The following ZNF226 variants were observed in gnomAD, a reference collection of about 807,000 sequenced individuals.
ZNF226 encodes Kruppel-associated box protein.
Under a neutral mutation model 11.4 loss-of-function variants are expected in ZNF226, and 6 were observed. The ratio of observed to expected loss-of-function variants is 0.53; its 90% CI spans 0.29 to 1.04. ZNF226 has a LOEUF of 1.04. ZNF226 is among the 50% of genes least tolerant of loss of function. ZNF226 has a pLI of 0.08. For missense variants in ZNF226, 1,058 were observed against 956.5 expected (o/e 1.11, Z -1.40); for synonymous variants, 350 against 322.8 (o/e 1.08, Z -0.90).
chr19:44,191,162 A>G, the ZNF226 span, among the ~76,000 whole-genome samples: 62 of 152,222 alleles, frequency 4.1e-4, no homozygotes, highest in Non-Finnish European at 1.8e-4. Flanking sequence ...TCTTGAAGTT[A>G]TTAGAAACTT....
chr19:44,166,753 G>C (rs2122230755), intron 2 of ZNF226: 1 of 152,330 alleles, frequency 6.6e-6, no homozygotes, highest in Non-Finnish European at 1.5e-5. Context: ...TACTCAAACT[G>C]TGGTTCACAA....
chr19:44,187,288 GCCTCA>G, the ZNF226 span, among the ~76,000 whole-genome samples: 2 of 151,904 alleles, frequency 1.3e-5, no homozygotes, highest in Non-Finnish European at 2.9e-5. The surrounding 1 kb of genome is among the most constrained non-coding windows in gnomAD (Gnocchi z 4.0). Flanking sequence ...TACGTCCAAT[GCCTCA>G]CTAGTTATAC....
chr19:44,177,102 C>G lies in ZNF226; in HGVS notation c.1840C>G (p.Pro614Ala). 3 of 1,613,954 alleles carry G rather than the reference C, an allele frequency of 1.9e-6. No homozygotes were observed. The highest frequency in any genetic ancestry group is 2.5e-6 in the Non-Finnish European group (3 of 1,179,998). Residue 614 changes from proline to alanine, a missense_variant, in exon 6 of 6, where the codon CCA becomes GCA. Physicochemically the swap from Pro to Ala is conservative, Grantham distance 27. Transcript: ENST00000337433. Reference protein sequence around the residue: ...IHCRIHTGEKPYNCEECGKVF... With the variant: ...IHCRIHTGEKAYNCEECGKVF... The stretch of plus-strand genomic sequence containing the variant: ...CTGTAGGATCCACACAGGAGAGAAA[C>G]CATATAATTGTGAGGAGTGTGGGAA...
At chr19:44,174,086 T>G (rs1230074243) in intron 5 of ZNF226, 1 of 152,208 alleles carries the variant, frequency 6.6e-6, no homozygotes, top group African/African-American at 2.4e-5. Flanking sequence ...TAAGGGATAT[T>G]GCAAAATATT....
Position 44,176,014 on chromosome 19 carries a change from C to T in ZNF226, c.752C>T (p.Ser251Leu), listed in dbSNP as rs778546246. The part of the protein sequence containing the change: ...HNSMIHTGQK[S>L]YQCNECKKPF... ...AGCATGATTCACACAGGACAGAAAT[C>T]GTACCAGTGTAATGAGTGTAAAAAA... Residue 251 changes from serine (S) to leucine (L), a missense_variant, in exon 6 of 6, where the codon TCG becomes TTG. Transcript: ENST00000337433. 5.9e-5 allele frequency: 96 copies of T among 1,613,796 alleles called. No homozygotes were observed. The highest frequency in any genetic ancestry group is 8.0e-5 in the African/African-American group (6 of 74,908).
At chr19:44,198,732 G>A in the ZNF226 span, among the ~76,000 whole-genome samples, 1 of 152,350 alleles carries the variant, frequency 6.6e-6, no homozygotes, top group East Asian at 1.9e-4. Context: ...CCTGTTCAGG[G>A]AGACATGGAT....
the ZNF226 span, among the ~76,000 whole-genome samples, chr19:44,192,421 A>G: frequency 3.3e-5 from 5 of 152,182 alleles, no homozygotes; most frequent in East Asian, 1.9e-4. Flanking sequence ...GCTGAAGGCA[A>G]TGATGCATGA....
Position 44,176,769 on chromosome 19 carries a change from T to A in ZNF226, c.1507T>A (p.Tyr503Asn). 6.2e-7 allele frequency: 1 copy of A among 1,614,048 alleles called. No homozygotes were observed. Among genetic ancestry groups the A allele is most frequent in the Non-Finnish European group, 8.5e-7 (1 of 1,180,000 alleles). ...GAGAGTCCACACTGGAGAGAAGCCATACAAATGCAATGAGTGTGGGAAGAG... is the reference window on the plus strand; with the variant it reads ...GAGAGTCCACACTGGAGAGAAGCCAAACAAATGCAATGAGTGTGGGAAGAG... ...HQRVHTGEKP[Y>N]KCNECGKSFR... The change falls in exon 6 of 6, where the codon TAC (tyrosine) becomes AAC (asparagine). Residue 503 changes from tyrosine to asparagine, a missense_variant. Tyr to Asn is a moderately radical substitution (Grantham distance 143, BLOSUM62 -2). Transcript: ENST00000337433.
At chr19:44,175,138 C>A in intron 5 of ZNF226, 1 of 1,528,410 alleles carries the variant, frequency 6.5e-7, no homozygotes, top group South Asian at 1.3e-5. Flanking sequence ...TGAATGACTG[C>A]CGGGCAGTAA....
At position 44,176,868 on chromosome 19, in the gene ZNF226, T is replaced by C. The variant is rs1469360412; in HGVS notation, c.1606T>C (p.Cys536Arg). 2 of 1,614,060 alleles carry C rather than the reference T, an allele frequency of 1.2e-6. No individual in the cohort carries two copies. Among genetic ancestry groups the C allele is most frequent in the Non-Finnish European group, 8.5e-7 (1 of 1,180,018 alleles). ...TGEKPYKCEI[C>R]GKGFSQSSYL... is the part of the protein sequence containing the mutation. Reference sequence around the variant, plus strand: ...AGAGAAACCCTATAAATGTGAGATATGTGGGAAGGGCTTCAGTCAAAGTTC... The same window carrying C: ...AGAGAAACCCTATAAATGTGAGATACGTGGGAAGGGCTTCAGTCAAAGTTC... The change falls in exon 6 of 6, where the codon TGT (cysteine) becomes CGT (arginine). Residue 536 changes from cysteine to arginine, a missense_variant. By Grantham distance (180) the Cys-to-Arg change is radical (BLOSUM62 -3). Coordinates refer to ENST00000337433, the MANE Select transcript of ZNF226 (RefSeq NM_001032373.2).
chr19:44,192,365 C>T, the ZNF226 span, among the ~76,000 whole-genome samples: 77 of 152,072 alleles, frequency 5.1e-4, no homozygotes, highest in African/African-American at 1.7e-3. Context: ...GGAGCTGACT[C>T]CAAAGTTGAG....
rs1406513830 is a variant in ZNF226, at chr19:44,176,325, A to C, written c.1063A>C (p.Lys355Gln). 1.2e-6 allele frequency: 2 copies of C among 1,614,228 alleles called. No individual in the cohort carries two copies. The highest frequency in any genetic ancestry group is 2.2e-5 in the South Asian group (2 of 91,088). ...SRRSALNVHC[K>Q]VHTAEKPYNC... is the part of the protein sequence containing the mutation. ...TAGATCAGCACTTAATGTTCATTGC[A>C]AGGTCCACACGGCAGAGAAACCTTA... The change falls in exon 6 of 6, where the codon AAG becomes CAG. Residue 355 changes from lysine to glutamine, a missense_variant. Coordinates refer to ENST00000337433, the MANE Select transcript of ZNF226 (RefSeq NM_001032373.2).
Position 44,175,645 on chromosome 19 carries a change from G to C in ZNF226, c.383G>C (p.Gly128Ala). ...AATAATTCTCAGTGTCACAAACAAG[G>C]TGATTTCCCTTACCAGGTAGGGACA... ...MINNSQCHKQ[G>A]DFPYQVGTEL... The change falls in exon 6 of 6, where the codon GGT becomes GCT. Residue 128 changes from glycine (G) to alanine (A), a missense_variant. Gly to Ala is a moderately conservative substitution (Grantham distance 60, BLOSUM62 0). Transcript: ENST00000337433. The C allele has an allele frequency of 6.2e-7, 1 of 1,613,876 alleles. No homozygotes were observed. The highest frequency in any genetic ancestry group is 8.5e-7 in the Non-Finnish European group (1 of 1,179,826).
chr19:44,196,963 C>T, the ZNF226 span, among the ~76,000 whole-genome samples: 1 of 152,280 alleles, frequency 6.6e-6, no homozygotes, highest in African/African-American at 2.4e-5. Context: ...CCTTTTCAGA[C>T]ACTACCCCTC....
intron 2 of ZNF226, among the ~76,000 whole-genome samples, chr19:44,168,023 C>A (rs1007193457): frequency 1.3e-5 from 2 of 152,072 alleles, no homozygotes; most frequent in Non-Finnish European, 2.9e-5. Flanking sequence ...GGGGAAATAA[C>A]AAGACTGGAG....
chr19:44,198,170 T>G, the ZNF226 span, among the ~76,000 whole-genome samples: 3 of 152,228 alleles, frequency 2.0e-5, no homozygotes, highest in Non-Finnish European at 4.4e-5. Flanking sequence ...CATTAGTCTA[T>G]TCATATTTGC....
chr19:44,192,563 A>T, the ZNF226 span, among the ~76,000 whole-genome samples: 11 of 152,192 alleles, frequency 7.2e-5, no homozygotes, highest in Non-Finnish European at 1.0e-4. Flanking sequence ...TAAAGACAAC[A>T]TGAAGCATGT....
At position 44,177,573 on chromosome 19, in the gene ZNF226, A is replaced by G. The variant is rs759838794; in HGVS notation, c.2311A>G (p.Thr771Ala). 6.2e-7 allele frequency: 1 copy of G among 1,613,998 alleles called. No homozygotes were observed. The highest frequency in any genetic ancestry group is 1.7e-5 in the Admixed American group (1 of 60,024). ...GKSFSWRSNL[T>A]VHHRIHVGDK... ...GAGCTTCAGTTGGCGATCAAATCTT[A>G]CAGTTCATCACAGAATCCATGTTGG... The change falls in exon 6 of 6, where the codon ACA becomes GCA. Residue 771 changes from threonine to alanine, a missense_variant. Thr to Ala is a moderately conservative substitution (Grantham distance 58, BLOSUM62 0). Coordinates refer to ENST00000337433, the MANE Select transcript of ZNF226 (RefSeq NM_001032373.2).
chr19:44,184,309 C>T, the ZNF226 span, among the ~76,000 whole-genome samples: 4 of 152,134 alleles, frequency 2.6e-5, no homozygotes, highest in African/African-American at 7.2e-5. Flanking sequence ...TGGCCGGGTG[C>T]GGTTGCTCAT....
Sources: allele counts gnomAD v4.1 joint callset (sites outside exome capture counted in the v4.1 genomes callset), GRCh38; gene constraint gnomAD v4.1.1; non-coding constraint Gnocchi (gnomAD v3.1); transcripts MANE v1.5; gene names NCBI Gene and HGNC (gene_info 2026-07-23, HGNC 2026-07-21).